Variants in CACNB4 observed in about 807,000 individuals in gnomAD.
The protein encoded by CACNB4 is voltage-dependent L-type calcium channel subunit beta-4.
In CACNB4, 32 loss-of-function variants were observed where a neutral mutation model predicts 71.2. The ratio of observed to expected loss-of-function variants is 0.45; its 90% confidence interval spans 0.34 to 0.60. CACNB4 has a LOEUF of 0.60. Ranked by LOEUF, CACNB4 falls within the 20% of genes least tolerant of loss-of-function variation. CACNB4 has a pLI of 0.01. For synonymous variants in CACNB4, 231 were observed against 236.9 expected, an observed-to-expected ratio of 0.97 and a Z score of 0.23; for missense variants, 464 against 647.9, an observed-to-expected ratio of 0.72 and a Z score of 3.08.
At chr2:151,858,809 T>C (rs573372621) in intron 10 of CACNB4, 12 of 152,334 alleles carry the variant, frequency 7.9e-5, no homozygotes, top group African/African-American at 2.6e-4. Flanking sequence ...GTCAATGTCT[T>C]TGTACATTCC....
chr2:152,021,366 A>C (rs1341499862), intron 2 of CACNB4, among the ~76,000 whole-genome samples: 1 of 152,228 alleles, frequency 6.6e-6, no homozygotes, highest in Non-Finnish European at 1.5e-5. Context: ...TTCAAATTTA[A>C]AAAAATTATA....
At chr2:152,029,063 CA>C (rs1684122699) in intron 2 of CACNB4, among the ~76,000 whole-genome samples, 1 of 152,116 alleles carries the variant, frequency 6.6e-6, no homozygotes, top group South Asian at 2.1e-4. Flanking sequence ...TGTCCCCTGA[CA>C]AATTCATATG....
chr2:152,089,638 A>G (rs1687856605), intron 2 of CACNB4, among the ~76,000 whole-genome samples: 2 of 152,176 alleles, frequency 1.3e-5, no homozygotes, highest in African/African-American at 4.8e-5. Context: ...ATATGGCTTA[A>G]AAAGCATGCA....
intron 2 of CACNB4, among the ~76,000 whole-genome samples, chr2:151,891,495 A>C (rs1360040548): frequency 3.3e-5 from 5 of 152,220 alleles, no homozygotes; most frequent in African/African-American, 9.6e-5. Context: ...TGCAATTGTA[A>C]TTTCACGTGG....
intron 2 of CACNB4, among the ~76,000 whole-genome samples, chr2:151,964,419 G>C (rs1444358288): frequency 6.6e-6 from 1 of 152,192 alleles, no homozygotes; most frequent in African/African-American, 2.4e-5. Flanking sequence ...ATGGCTACCA[G>C]TGGGGAGGAC....
intron 2 of CACNB4, among the ~76,000 whole-genome samples, chr2:152,047,899 AAAAAC>A (rs752935193): frequency 1.2e-4 from 19 of 152,198 alleles, no homozygotes; most frequent in Admixed American, 6.5e-4. Flanking sequence ...ACCCTGTTTC[AAAAAC>A]AAAACAAAAC....
chr2:151,883,525 T>G (rs1369676495), intron 2 of CACNB4, 155 bp from the exon 3 acceptor site: 1 of 703,258 alleles, frequency 1.4e-6, no homozygotes, highest in East Asian at 2.7e-5. Flanking sequence ...TGGCAGAATA[T>G]AGTTAAGCAT....
At chr2:152,069,976 G>A (rs566257235) in intron 2 of CACNB4, among the ~76,000 whole-genome samples, 158 of 150,950 alleles carry the variant, frequency 1.0e-3, no homozygotes, top group African/African-American at 3.6e-3. Context: ...CTGAGTAGCT[G>A]CGACTACAGG....
chr2:151,889,918 T>C (rs1469348659), intron 2 of CACNB4, among the ~76,000 whole-genome samples: 1 of 152,176 alleles, frequency 6.6e-6, no homozygotes, highest in Non-Finnish European at 1.5e-5. Flanking sequence ...TCTCTCTTCT[T>C]TGTTCCATGA....
chr2:151,999,275 T>G (rs901096028), intron 2 of CACNB4, among the ~76,000 whole-genome samples: 2 of 152,106 alleles, frequency 1.3e-5, no homozygotes, highest in Non-Finnish European at 2.9e-5. Context: ...CTCTATCTTT[T>G]AAAATCCAGT....
At chr2:151,900,843 G>A (rs1010716112) in intron 2 of CACNB4, among the ~76,000 whole-genome samples, 52 of 152,192 alleles carry the variant, frequency 3.4e-4, no homozygotes, top group African/African-American at 1.2e-3. Flanking sequence ...GGATATAGGG[G>A]ATATACACAA....
At chr2:152,079,579 A>C (rs1336422143) in intron 2 of CACNB4, among the ~76,000 whole-genome samples, 2 of 151,958 alleles carry the variant, frequency 1.3e-5, no homozygotes, top group Non-Finnish European at 2.9e-5. Context: ...TGAGTCTAGG[A>C]GTTTGAGACC....
intron 2 of CACNB4, among the ~76,000 whole-genome samples, chr2:151,902,270 A>T (rs2099853651): frequency 6.6e-6 from 1 of 152,054 alleles, no homozygotes; most frequent in Admixed American, 6.6e-5. Context: ...GACTCAAGTG[A>T]TCCTCCCCAT....
intron 2 of CACNB4, among the ~76,000 whole-genome samples, chr2:152,016,453 C>T (rs1027836419): frequency 1.3e-5 from 2 of 152,144 alleles, no homozygotes; most frequent in African/African-American, 2.4e-5. Flanking sequence ...ACAGAAGAAC[C>T]CTGTCTCACT....
chr2:151,921,166 TAAA>T (rs1378718774), intron 2 of CACNB4, among the ~76,000 whole-genome samples: 30 of 59,158 alleles, frequency 5.1e-4, no homozygotes, highest in African/African-American at 1.1e-3. Context: ...AATAAATAAA[TAAA>T]TAAATAAATA....
intron 2 of CACNB4, among the ~76,000 whole-genome samples, chr2:151,943,244 G>A (rs891019653): frequency 3.3e-5 from 5 of 152,138 alleles, no homozygotes; most frequent in African/African-American, 1.2e-4. Context: ...TGACACTTAT[G>A]GAAAATAGAA....
chr2:152,098,789 A>T lies in CACNB4; in HGVS notation c.63+160T>A. 1 of 824,652 alleles carries T rather than the reference A, an allele frequency of 1.2e-6. No individual in the cohort carries two copies. Among genetic ancestry groups the T allele is most frequent in the Non-Finnish European group, 1.8e-6 (1 of 549,132 alleles). 51.1% of individuals were successfully genotyped at this position (824,652 alleles called of 1,614,324 possible). A position where few individuals can be genotyped will look rare whatever the true frequency, so the allele number is the denominator to read the frequency against. ...AAGGAGGAGAAAGAGGAGGAGCGGGAGGAGAAAGGGACGTGGAGGAGGGGT... is the reference window on the plus strand; with the variant it reads ...AAGGAGGAGAAAGAGGAGGAGCGGGTGGAGAAAGGGACGTGGAGGAGGGGT... On this transcript the variant is annotated intron_variant, in intron 1 of 13. Coordinates refer to ENST00000539935, the MANE Select transcript of CACNB4 (RefSeq NM_000726.5). This position sits in a 1 kb window ranked among gnomAD's most constrained non-coding sequence, Gnocchi z 5.3.
intron 2 of CACNB4, among the ~76,000 whole-genome samples, chr2:152,030,869 T>C (rs973616789): frequency 3.9e-5 from 6 of 152,190 alleles, no homozygotes; most frequent in Non-Finnish European, 8.8e-5. Flanking sequence ...CCATCAATGA[T>C]AGACTGGATT....
At chr2:152,075,506 C>A (rs1299854691) in intron 2 of CACNB4, among the ~76,000 whole-genome samples, 2 of 152,148 alleles carry the variant, frequency 1.3e-5, no homozygotes, top group African/African-American at 4.8e-5. Context: ...TTAAGAGTCA[C>A]CAGAAAAAGC....
Sources: gnomAD v4.1 joint callset for allele counts (sites outside exome capture counted in the v4.1 genomes callset) on GRCh38, gnomAD v4.1.1 for gene constraint, Gnocchi (gnomAD v3.1) non-coding constraint, MANE v1.5 for transcripts, NCBI Gene and HGNC (gene_info 2026-07-23, HGNC 2026-07-21) for gene names.